Variants in TBC1D12 observed in about 807,000 individuals in gnomAD.
TBC1D12 encodes the protein TBC1 domain family member 12.
A neutral mutation model predicts 86.7 loss-of-function variants in TBC1D12; 56 were observed. The ratio of observed to expected loss-of-function variants is 0.65; its 90% CI spans 0.52 to 0.81. The LOEUF is 0.81. TBC1D12 is among the 30% of genes least tolerant of loss of function. The pLI is 0.00. For synonymous variants in TBC1D12, 421 were observed against 411.7 expected (o/e 1.02, Z -0.27); for missense variants, 1,023 against 1,038.8 (o/e 0.98, Z 0.21).
At chr10:94,452,666 GT>G (rs1420932374) in intron 2 of TBC1D12, among the ~76,000 whole-genome samples, 1 of 152,086 alleles carries the variant, frequency 6.6e-6, no homozygotes, top group Non-Finnish European at 1.5e-5. Flanking sequence ...GAACACCACA[GT>G]TTATTTACCC....
At chr10:94,494,354 T>C (rs1406240817) in intron 4 of TBC1D12, among the ~76,000 whole-genome samples, 2 of 152,190 alleles carry the variant, frequency 1.3e-5, no homozygotes, top group Admixed American at 1.3e-4. Context: ...TGGACTGTTA[T>C]AATAGTATAC....
At chr10:94,511,754 CTA>C (rs1554948465) in intron 9 of TBC1D12, 100 bp downstream of exon 9, 1 of 831,364 alleles carries the variant, frequency 1.2e-6, no homozygotes, top group South Asian at 1.7e-5. Context: ...GTCTGTATTT[CTA>C]TGTCTGTTTT....
intron 2 of TBC1D12, among the ~76,000 whole-genome samples, chr10:94,453,641 T>C (rs1275945145): frequency 6.6e-6 from 1 of 152,182 alleles, no homozygotes; most frequent in Non-Finnish European, 1.5e-5. Flanking sequence ...ATTTTACTTT[T>C]TATTTTTTTG....
At chr10:94,489,006 T>A (rs1041083087) in intron 3 of TBC1D12, among the ~76,000 whole-genome samples, 1 of 152,206 alleles carries the variant, frequency 6.6e-6, no homozygotes, top group African/African-American at 2.4e-5. Flanking sequence ...CCAAATGTCC[T>A]GTCTGGTGTC....
intron 9 of TBC1D12, among the ~76,000 whole-genome samples, chr10:94,520,596 A>G (rs531761049): frequency 2.0e-5 from 3 of 152,252 alleles, no homozygotes; most frequent in African/African-American, 2.4e-5. Flanking sequence ...GAAAATAGAG[A>G]TAGTGATTGT....
intron 1 of TBC1D12, among the ~76,000 whole-genome samples, chr10:94,411,890 C>G (rs551504184): frequency 1.3e-5 from 2 of 152,136 alleles, no homozygotes; most frequent in African/African-American, 4.8e-5. Flanking sequence ...CCAGCGAGGT[C>G]GGGGCTGCAG....
rs200596032 is a variant in TBC1D12 at position 94,493,417 on chromosome 10, G to A, written c.1264G>A (p.Asp422Asn). 77 of 1,612,836 alleles carry A rather than the reference G, an allele frequency of 4.8e-5. No individual in the cohort carries two copies. Among genetic ancestry groups the A allele is most frequent in the African/African-American group, 3.3e-4 (25 of 74,952 alleles). ...AGCTTTACGTCACCGACAAGAATAC[G>A]ATGAGATGGTGGCTGAGGCTAAAAA... ...EEALRHRQEY[D>N]EMVAEAKKRE... Residue 422 changes from aspartate (D) to asparagine (N), a missense_variant, in exon 4 of 13, where the codon GAT (aspartate) becomes AAT (asparagine). Asp to Asn is a conservative substitution (Grantham distance 23, BLOSUM62 1). This residue lies in a region of TBC1D12 where 395 missense variants were observed against 507.7 expected (regional missense o/e 0.78). Coordinates refer to ENST00000225235, the MANE Select transcript of TBC1D12 (RefSeq NM_015188.2).
intron 1 of TBC1D12, among the ~76,000 whole-genome samples, chr10:94,425,563 G>T (rs2055134998): frequency 6.6e-6 from 1 of 152,166 alleles, no homozygotes; most frequent in African/African-American, 2.4e-5. Flanking sequence ...ACACTGTAAT[G>T]CAGTGGAGAC....
intron 3 of TBC1D12, among the ~76,000 whole-genome samples, chr10:94,486,058 CTT>C (rs1427157926): frequency 1.3e-5 from 2 of 149,412 alleles, no homozygotes; most frequent in African/African-American, 4.9e-5. Context: ...AAAAAACCAA[CTT>C]TTTGTTTTGT....
At chr10:94,513,247 CACAA>C (rs2056547353) in intron 9 of TBC1D12, among the ~76,000 whole-genome samples, 1 of 135,216 alleles carries the variant, frequency 7.4e-6, no homozygotes, top group Non-Finnish European at 1.6e-5. Context: ...AACTCTGTCT[CACAA>C]AAAAAAAAAA....
intron 6 of TBC1D12, among the ~76,000 whole-genome samples, chr10:94,502,897 A>T (rs997237223): frequency 3.3e-5 from 5 of 152,214 alleles, no homozygotes; most frequent in Admixed American, 6.5e-5. Flanking sequence ...TTCCACCTGA[A>T]CTGCTATTCT....
chr10:94,411,076 C>T (rs1442470114), intron 1 of TBC1D12, among the ~76,000 whole-genome samples: 4 of 152,008 alleles, frequency 2.6e-5, no homozygotes, highest in Non-Finnish European at 2.9e-5. Flanking sequence ...TAGGACTATT[C>T]CTTTCAACTC....
rs1241013387 is a variant in TBC1D12 at position 94,536,198 on chromosome 10, T to TA, written c.*3111dup. Among the ~76,000 whole-genome samples, 4 of 151,384 alleles carry TA rather than the reference T, an allele frequency of 2.6e-5. No homozygotes were observed. Among genetic ancestry groups the TA allele is most frequent in the East Asian group, 1.9e-4 (1 of 5,184 alleles). ...GTTGTTGTTACAGTATATTTTCAATTAAAAAAAAACTTTTCCTAAAATACT... is the reference window on the plus strand; with the variant it reads ...GTTGTTGTTACAGTATATTTTCAATTAAAAAAAAAACTTTTCCTAAAATACT... On this transcript the variant is annotated 3_prime_UTR_variant, in exon 13 of 13. Coordinates refer to ENST00000225235, the MANE Select transcript of TBC1D12 (RefSeq NM_015188.2).
chr10:94,527,138 G>C (rs568293994), intron 11 of TBC1D12, among the ~76,000 whole-genome samples: 1 of 151,272 alleles, frequency 6.6e-6, no homozygotes, highest in African/African-American at 2.5e-5. Flanking sequence ...TGTTGCCCAG[G>C]CTGGAGTGCA....
chr10:94,461,219 G>A (rs186291855), intron 2 of TBC1D12, among the ~76,000 whole-genome samples: 212 of 152,266 alleles, frequency 1.4e-3, no homozygotes, highest in Non-Finnish European at 2.6e-3. Context: ...GTGGGAAAAG[G>A]GGAAGCATTC....
chr10:94,439,448 G>C (rs952150315), intron 1 of TBC1D12, among the ~76,000 whole-genome samples: 2 of 152,164 alleles, frequency 1.3e-5, no homozygotes, highest in Non-Finnish European at 2.9e-5. Context: ...GCACACTGTT[G>C]CTGGCAGGAA....
At chr10:94,429,200 G>A (rs2055184703) in intron 1 of TBC1D12, among the ~76,000 whole-genome samples, 1 of 152,000 alleles carries the variant, frequency 6.6e-6, no homozygotes, top group Non-Finnish European at 1.5e-5. Context: ...TTTTGACAGA[G>A]TGGGTGATGT....
At chr10:94,479,543 T>C (rs780028896) in intron 3 of TBC1D12, among the ~76,000 whole-genome samples, 1 of 152,130 alleles carries the variant, frequency 6.6e-6, no homozygotes, top group Non-Finnish European at 1.5e-5. Context: ...TAAAAGGAAA[T>C]AAGAGAGACT....
At chr10:94,409,419 C>A (rs1168304458) in intron 1 of TBC1D12, among the ~76,000 whole-genome samples, 1 of 147,382 alleles carries the variant, frequency 6.8e-6, no homozygotes, top group Non-Finnish European at 1.5e-5. Context: ...TTCTGTCATC[C>A]AGGCTTGGAA....
Sources: allele counts gnomAD v4.1 joint callset (sites outside exome capture counted in the v4.1 genomes callset), GRCh38; gene constraint gnomAD v4.1.1; regional missense constraint gnomAD v4.1.1; transcripts MANE v1.5; gene names NCBI Gene and HGNC (gene_info 2026-07-23, HGNC 2026-07-21).